Variants in TRIM9 observed in about 807,000 individuals in gnomAD.
TRIM9 encodes the protein E3 ubiquitin-protein ligase TRIM9.
In TRIM9, 26 loss-of-function variants were observed where a neutral mutation model predicts 78.3. That is an observed-to-expected ratio of 0.33 (90% CI 0.24 to 0.46). The LOEUF (loss-of-function observed/expected upper bound fraction) is 0.46, where lower values mean the gene tolerates loss of function less well. Among genes scored for constraint, TRIM9 ranks in the 20% least tolerant of loss-of-function variants. The pLI, the probability that TRIM9 is intolerant of heterozygous loss-of-function variation, is 1.00. For missense variants in TRIM9, 787 were observed against 1,036.4 expected, an observed-to-expected ratio of 0.76 and a Z score of 3.30; for synonymous variants, 398 against 416.5, an observed-to-expected ratio of 0.96 and a Z score of 0.54.
intron 5 of TRIM9, among the ~76,000 whole-genome samples, chr14:51,006,607 C>T (rs188535017): frequency 8.6e-4 from 131 of 152,188 alleles, no homozygotes; most frequent in Middle Eastern, 3.4e-3. Flanking sequence ...ATAAATTAAC[C>T]AGGCAGAGTG....
chr14:50,998,225 G>A, intron 6 of TRIM9, 37 bp from the exon 7 acceptor site: 1 of 1,602,942 alleles, frequency 6.2e-7, no homozygotes, highest in African/African-American at 1.3e-5. Flanking sequence ...CACTTAGCCT[G>A]CCCCCTTCTG....
At chr14:50,983,050 G>T in intron 9 of TRIM9, 85 bp from the exon 10 acceptor site, 1 of 1,312,848 alleles carries the variant, frequency 7.6e-7, no homozygotes, top group South Asian at 1.3e-5. Flanking sequence ...TCTCTTGATA[G>T]ACTAGTACCC....
intron 5 of TRIM9, among the ~76,000 whole-genome samples, chr14:51,004,510 G>C (rs555756223): frequency 6.6e-6 from 1 of 152,154 alleles, no homozygotes; most frequent in African/African-American, 2.4e-5. Flanking sequence ...AAGTACACAG[G>C]AGTGTGGCAG....
chr14:51,062,802 G>A (rs1394944688), intron 1 of TRIM9, among the ~76,000 whole-genome samples: 1 of 152,214 alleles, frequency 6.6e-6, no homozygotes, highest in East Asian at 1.9e-4. Flanking sequence ...GAAAGAAACA[G>A]CTGTTAACAG....
chr14:50,995,025 C>T (rs543982409), intron 7 of TRIM9, among the ~76,000 whole-genome samples: 1 of 152,042 alleles, frequency 6.6e-6, no homozygotes, highest in South Asian at 2.1e-4. Context: ...TTTTCTCTGT[C>T]TCTTTTTTTT....
chr14:51,031,233 G>C (rs78512275), intron 1 of TRIM9, among the ~76,000 whole-genome samples: 1 of 151,468 alleles, frequency 6.6e-6, no homozygotes, highest in Non-Finnish European at 1.5e-5. Flanking sequence ...AGGGTCCTCT[G>C]AGCCCTCTTC....
intron 5 of TRIM9, among the ~76,000 whole-genome samples, chr14:51,003,986 C>G (rs1408532697): frequency 2.6e-5 from 4 of 152,134 alleles, no homozygotes; most frequent in Non-Finnish European, 5.9e-5. Flanking sequence ...AATAAATGGT[C>G]TACTAGAAAT....
chr14:51,025,179 A>G, intron 2 of TRIM9, 86 bp downstream of exon 2: 1 of 1,234,532 alleles, frequency 8.1e-7, no homozygotes. Context: ...ACGACACATA[A>G]AAATAAAAGA....
chr14:51,067,759 G>A (rs1209638526), intron 1 of TRIM9, among the ~76,000 whole-genome samples: 1 of 152,096 alleles, frequency 6.6e-6, no homozygotes, highest in Admixed American at 6.5e-5. Context: ...CTGACCACCT[G>A]AGACAAAGCA....
At chr14:51,001,708 G>A (rs1379455939) in intron 5 of TRIM9, among the ~76,000 whole-genome samples, 4 of 151,836 alleles carry the variant, frequency 2.6e-5, no homozygotes, top group Non-Finnish European at 5.9e-5. Context: ...TACAACAGTG[G>A]ATTTTTGAAA....
Position 51,094,313 on chromosome 14 carries a change from C to G in TRIM9, c.627G>C (p.Leu209=), listed in dbSNP as rs1308400798. The change falls in exon 1 of 13, where the codon CTG becomes CTC. Residue 209 remains leucine (L), a synonymous_variant. Coordinates refer to ENST00000684578, the MANE Select transcript of TRIM9 (RefSeq NM_001387360.1). ...PPRGPLAKHR[L]VPPAQGRVSR... ...TCACACGACCCTGGGCCGGGGGCAC[C>G]AGGCGGTGCTTGGCTAGGGGCCCCC... is the stretch of plus-strand genomic sequence containing the variant. 5 of 1,613,722 alleles carry G rather than the reference C, an allele frequency of 3.1e-6. No individual in the cohort carries two copies. The Admixed American group carries it at 6.7e-5, about 22-fold the overall frequency.
intron 1 of TRIM9, among the ~76,000 whole-genome samples, chr14:51,045,268 T>C (rs957038627): frequency 1.3e-5 from 2 of 152,220 alleles, no homozygotes. Context: ...CAGAGTGAGA[T>C]ATCAGAGTCA....
intron 1 of TRIM9, 34 bp downstream of exon 1, chr14:51,094,084 C>T: frequency 6.3e-7 from 1 of 1,575,802 alleles, no homozygotes; most frequent in East Asian, 2.3e-5. Context: ...ATCGGAGACG[C>T]AGGGAGTTAG....
chr14:51,015,505 C>CTTTTTTTTTTTTTTT lies in TRIM9; in HGVS notation c.1042-5026_1042-5012dup, dbSNP rs369652663. On this transcript the variant is annotated intron_variant, in intron 3 of 12. Transcript: ENST00000684578. ...AATGCTTTTTTCTTTCTTTACTTTT[C>CTTTTTTTTTTTTTTT]TTTTTTTTTTTTTTTTTTTTTTTTT... 1.6e-3 allele frequency among the ~76,000 whole-genome samples: 101 copies of CTTTTTTTTTTTTTTT among 61,326 alleles called. 13 individuals are homozygous for CTTTTTTTTTTTTTTT. Among genetic ancestry groups the CTTTTTTTTTTTTTTT allele is most frequent in the African/African-American group, 5.9e-3 (87 of 14,668 alleles). 40.2% of individuals were successfully genotyped at this position (61,326 alleles called of 152,430 possible).
intron 12 of TRIM9, among the ~76,000 whole-genome samples, chr14:50,977,556 G>A (rs1324256371): frequency 6.6e-6 from 1 of 152,164 alleles, no homozygotes; most frequent in Non-Finnish European, 1.5e-5. Context: ...TCAAATCCTG[G>A]TGACATTTGA....
Position 50,977,358 on chromosome 14 carries a change from G to A in TRIM9, c.2326-5C>T, listed in dbSNP as rs745488982. Reference sequence around the variant, plus strand: ...GAGCCCGGTGTGCAGCGTGACCTGGGGAATGAGACTGTGAGTCCTGAGAGG... The same window carrying A: ...GAGCCCGGTGTGCAGCGTGACCTGGAGAATGAGACTGTGAGTCCTGAGAGG... On this transcript the variant is annotated splice_region_variant and splice_polypyrimidine_tract_variant and intron_variant, in intron 12 of 12. Coordinates refer to ENST00000684578, the MANE Select transcript of TRIM9 (RefSeq NM_001387360.1). 1 of 1,533,704 alleles carries A rather than the reference G, an allele frequency of 6.5e-7. No homozygotes were observed. Among genetic ancestry groups the A allele is most frequent in the Admixed American group, 1.9e-5 (1 of 51,952 alleles).
chr14:50,977,820 A>G (rs1384689143), intron 12 of TRIM9, among the ~76,000 whole-genome samples: 1 of 152,220 alleles, frequency 6.6e-6, no homozygotes, highest in Non-Finnish European at 1.5e-5. Flanking sequence ...GTGAAAAAAC[A>G]TGGCATTATA....
In TRIM9 at chr14:51,094,242, T is replaced by A; in HGVS notation, c.698A>T (p.Glu233Val). ...GCAGTACATGCTGTGGTTCTCCAGC[T>A]CGTGGTCTGTGCAGGTGGAGACCTT... is the stretch of plus-strand genomic sequence containing the variant. ...PRKVSTCTDH[E>V]LENHSMYCVQ... Residue 233 changes from glutamate (E) to valine (V), a missense_variant, in exon 1 of 13, where the codon GAG becomes GTG. Around this residue, in one of 3 missense-constraint regions of TRIM9, gnomAD observed 352 missense variants for 472.3 expected, o/e 0.75. Coordinates refer to ENST00000684578, the MANE Select transcript of TRIM9 (RefSeq NM_001387360.1). 1 of 1,614,240 alleles carries A rather than the reference T, an allele frequency of 6.2e-7. No individual in the cohort carries two copies. The highest frequency in any genetic ancestry group is 8.5e-7 in the Non-Finnish European group (1 of 1,180,046).
At chr14:51,039,716 G>T (rs1366451913) in intron 1 of TRIM9, among the ~76,000 whole-genome samples, 2 of 151,714 alleles carry the variant, frequency 1.3e-5, no homozygotes, top group African/African-American at 4.8e-5. Flanking sequence ...GCAAACCTCA[G>T]ATTTGTATAT....
Sources: allele counts gnomAD v4.1 joint callset (sites outside exome capture counted in the v4.1 genomes callset), GRCh38; gene constraint gnomAD v4.1.1; regional missense constraint gnomAD v4.1.1; transcripts MANE v1.5; gene names NCBI Gene and HGNC (gene_info 2026-07-23, HGNC 2026-07-21).